The following KHDRBS2 variants were observed in gnomAD, a reference collection of about 807,000 sequenced individuals.
KHDRBS2 encodes KH RNA binding domain containing, signal transduction associated 2.
Under a neutral mutation model 44.3 loss-of-function variants are expected in KHDRBS2, and 26 were observed. The observed-to-expected ratio is 0.59, with a 90% CI of 0.43 to 0.81. KHDRBS2 has a LOEUF of 0.81. Among genes scored for constraint, KHDRBS2 ranks in the 40% least tolerant of loss-of-function variants. The probability of loss-of-function intolerance (pLI) is 0.00; values close to 1 mark genes in which losing one functional copy is unlikely to be tolerated. For missense variants in KHDRBS2, 476 were observed against 433.1 expected (o/e 1.10, Z -0.88); for synonymous variants, 194 against 151.1 (o/e 1.28, Z -2.08).
intron 3 of KHDRBS2, among the ~76,000 whole-genome samples, chr6:62,009,388 G>C (rs1779862532): frequency 6.6e-6 from 1 of 152,168 alleles, no homozygotes; most frequent in African/African-American, 2.4e-5. Context: ...AATTTCAAAA[G>C]AGAAACAGAG....
chr6:61,818,267 A>T (rs1465021914), intron 6 of KHDRBS2, among the ~76,000 whole-genome samples: 1 of 45,384 alleles, frequency 2.2e-5, no homozygotes, highest in Non-Finnish European at 4.2e-5. Context: ...CTCTGTAAGT[A>T]AAAAAAAAAA....
At chr6:61,659,996 A>G in the KHDRBS2 span, among the ~76,000 whole-genome samples, 1 of 151,948 alleles carries the variant, frequency 6.6e-6, no homozygotes, top group South Asian at 2.1e-4. Context: ...CAAGCTTCCA[A>G]TAAGGTTATT....
Position 61,832,046 on chromosome 6 carries a change from G to A in KHDRBS2, c.810+62589C>T, listed in dbSNP as rs1791912090. Among the ~76,000 whole-genome samples, 4 of 152,066 alleles carry A rather than the reference G, an allele frequency of 2.6e-5. 1 individual carries two copies. The South Asian group carries it at 8.3e-4, about 31-fold the overall frequency. ...GATTGAGTCCAGGAGTTTGAGATGA[G>A]CCTGGGCAACAAAGTGAGACTCCCA... On this transcript the variant is annotated intron_variant, in intron 6 of 8. Transcript: ENST00000281156.
rs191472661 is a variant in KHDRBS2, at chr6:62,003,216, C to A, written c.337-25004G>T. ...ATGACTTGAGCCTGGGAGGTCAAGG[C>A]TGCAGTGAGCTACTATTGCACCACT... On this transcript the variant is annotated intron_variant, in intron 3 of 8. Coordinates refer to ENST00000281156, the MANE Select transcript of KHDRBS2 (RefSeq NM_152688.4). 9.7e-4 allele frequency among the ~76,000 whole-genome samples: 147 copies of A among 152,048 alleles called. 1 individual carries two copies. Among genetic ancestry groups the A allele is most frequent in the Non-Finnish European group, 1.6e-3 (112 of 67,984 alleles).
Position 62,041,167 on chromosome 6 carries a change from C to T in KHDRBS2, c.336+6711G>A, listed in dbSNP as rs1445590573. On this transcript the variant is annotated intron_variant, in intron 3 of 8. Transcript: ENST00000281156. ...CCAACATGGTGAAACCCTGTCTCTACTAAATATACAAAAATTAGCAGGGCA... is the reference window on the plus strand; with the variant it reads ...CCAACATGGTGAAACCCTGTCTCTATTAAATATACAAAAATTAGCAGGGCA... 1.3e-4 allele frequency among the ~76,000 whole-genome samples: 20 copies of T among 152,054 alleles called. No homozygotes were observed. The East Asian group carries it at 2.7e-3, about 21-fold the overall frequency.
At chr6:61,729,457 G>A (rs1345671642) in intron 7 of KHDRBS2, among the ~76,000 whole-genome samples, 5 of 152,082 alleles carry the variant, frequency 3.3e-5, no homozygotes. Flanking sequence ...GGTAAATACC[G>A]AAGAGAAGAA....
chr6:61,826,122 T>C (rs1790817388), intron 6 of KHDRBS2, among the ~76,000 whole-genome samples: 1 of 152,162 alleles, frequency 6.6e-6, no homozygotes, highest in Non-Finnish European at 1.5e-5. Flanking sequence ...TTTTAGTCCT[T>C]GGACCTGGTC....
At chr6:61,833,985 A>T (rs1792251001) in intron 6 of KHDRBS2, among the ~76,000 whole-genome samples, 1 of 152,124 alleles carries the variant, frequency 6.6e-6, no homozygotes, top group South Asian at 2.1e-4. Flanking sequence ...ATGGATATAA[A>T]AGAGAAATGG....
At chr6:62,047,254 A>G (rs1466313968) in intron 3 of KHDRBS2, among the ~76,000 whole-genome samples, 1 of 151,980 alleles carries the variant, frequency 6.6e-6, no homozygotes, top group Non-Finnish European at 1.5e-5. Context: ...CTGAATTCTA[A>G]CACTGAGAAA....
At chr6:62,178,519 T>C (rs926776993) in intron 1 of KHDRBS2, among the ~76,000 whole-genome samples, 2 of 151,444 alleles carry the variant, frequency 1.3e-5, no homozygotes, top group African/African-American at 4.8e-5. Flanking sequence ...GTATGTAATA[T>C]GCAAAATCAA....
At position 62,227,076 on chromosome 6, in the gene KHDRBS2, G is replaced by A. The variant is rs1391425356; in HGVS notation, c.92-49764C>T. On this transcript the variant is annotated intron_variant, in intron 1 of 8. Transcript: ENST00000281156. ...CTGTGAAAAATGCCAATGTTAGTTTGATGGGAACAGCACTGAATTTATAAA... is the reference window on the plus strand; with the variant it reads ...CTGTGAAAAATGCCAATGTTAGTTTAATGGGAACAGCACTGAATTTATAAA... 3.9e-5 allele frequency among the ~76,000 whole-genome samples: 6 copies of A among 152,242 alleles called. No individual in the cohort carries two copies. The East Asian group carries it at 1.2e-3, about 29-fold the overall frequency.
chr6:62,268,351 T>C (rs1223288030), intron 1 of KHDRBS2, among the ~76,000 whole-genome samples: 1 of 152,110 alleles, frequency 6.6e-6, no homozygotes, highest in Non-Finnish European at 1.5e-5. Flanking sequence ...TACTAAATGA[T>C]AGTGGTTTAG....
At chr6:62,112,170 C>T (rs1202891823) in intron 2 of KHDRBS2, among the ~76,000 whole-genome samples, 2 of 152,016 alleles carry the variant, frequency 1.3e-5, no homozygotes, top group Non-Finnish European at 2.9e-5. Context: ...TAAATCTCAC[C>T]TTTCATAATG....
At chr6:61,936,616 G>GCTTAT (rs1244228412) in intron 4 of KHDRBS2, among the ~76,000 whole-genome samples, 1 of 151,718 alleles carries the variant, frequency 6.6e-6, no homozygotes, top group Non-Finnish European at 1.5e-5. Context: ...TCGGGCTTCA[G>GCTTAT]CTTATCTTGT....
rs760600695 is a variant in KHDRBS2 at position 62,199,615 on chromosome 6, C to T, written c.92-22303G>A. On this transcript the variant is annotated intron_variant, in intron 1 of 8. Transcript: ENST00000281156. ...TAAACAAATGGAAGAAAATTCCATG[C>T]TCATGGGTAGGAAGACTCAATATCG... Among the ~76,000 whole-genome samples, 5 of 152,182 alleles carry T rather than the reference C, an allele frequency of 3.3e-5. No homozygotes were observed. In the East Asian group the frequency reaches 5.8e-4, roughly 18 times the overall value.
At chr6:61,592,658 A>G in the KHDRBS2 span, among the ~76,000 whole-genome samples, 2 of 152,180 alleles carry the variant, frequency 1.3e-5, no homozygotes, top group Admixed American at 6.5e-5. Flanking sequence ...TCAAAGAAGT[A>G]TATTTTAGGG....
At position 61,901,471 on chromosome 6, in the gene KHDRBS2, A is replaced by T. The variant is rs893885184; in HGVS notation, c.484-100T>A. ...ACAAAACAAAACGCAATAGGAAATA[A>T]TTTTTTTCATTTGTTTCCTGGAACT... On this transcript the variant is annotated intron_variant, in intron 4 of 8. Coordinates refer to ENST00000281156, the MANE Select transcript of KHDRBS2 (RefSeq NM_152688.4). 90 of 931,738 alleles carry T rather than the reference A, an allele frequency of 9.7e-5. 4 individuals are homozygous for T. In the South Asian group the frequency reaches 9.8e-4, roughly 10 times the overall value. 57.7% of individuals were successfully genotyped at this position (931,738 alleles called of 1,614,324 possible).
At chr6:61,970,336 T>C (rs1259015451) in intron 4 of KHDRBS2, among the ~76,000 whole-genome samples, 4 of 151,980 alleles carry the variant, frequency 2.6e-5, no homozygotes, top group Admixed American at 2.6e-4. Flanking sequence ...TCAGACTCTT[T>C]CAAATGCATT....
chr6:61,710,405 T>C (rs1770305371), intron 7 of KHDRBS2, among the ~76,000 whole-genome samples: 1 of 151,730 alleles, frequency 6.6e-6, no homozygotes, highest in African/African-American at 2.4e-5. Flanking sequence ...TTTAATTATG[T>C]ATTTTCATGT....
Sources: gnomAD v4.1 joint callset for allele counts (sites outside exome capture counted in the v4.1 genomes callset) on GRCh38, gnomAD v4.1.1 for gene constraint, MANE v1.5 for transcripts, NCBI Gene and HGNC (gene_info 2026-07-23, HGNC 2026-07-21) for gene names.